TMEM132D: variants seen among roughly 807,000 people sequenced by gnomAD.
The protein encoded by TMEM132D is mature OL transmembrane protein.
In TMEM132D, 21 loss-of-function variants were observed where a neutral mutation model predicts 62.3. The ratio of observed to expected loss-of-function variants is 0.34; its 90% CI spans 0.24 to 0.49. The LOEUF (loss-of-function observed/expected upper bound fraction) is 0.49. TMEM132D is among the 20% of genes least tolerant of loss of function. The pLI is 0.99. For synonymous variants in TMEM132D, 621 were observed against 575.6 expected (o/e 1.08, Z -1.13); for missense variants, 1,346 against 1,402.8 (o/e 0.96, Z 0.65).
chr12:129,726,549 G>T (rs61945202), intron 1 of TMEM132D, among the ~76,000 whole-genome samples: 21,984 of 152,060 alleles, frequency 0.14, 1,756 homozygotes, highest in South Asian at 0.25. Context: ...AAGGGTCTGT[G>T]GACCATGGTG....
At chr12:129,760,323 CTTT>C (rs71082753) in intron 1 of TMEM132D, among the ~76,000 whole-genome samples, 1 of 115,490 alleles carries the variant, frequency 8.7e-6, no homozygotes, top group African/African-American at 3.6e-5. Context: ...AAGCCACTTT[CTTT>C]TTTTTTTTTT....
At chr12:129,750,237 C>G (rs1323275025) in intron 1 of TMEM132D, among the ~76,000 whole-genome samples, 3 of 152,228 alleles carry the variant, frequency 2.0e-5, no homozygotes, top group South Asian at 2.1e-4. Flanking sequence ...AGGCACCCGC[C>G]ACCACGCCTG....
At chr12:129,127,292 G>A (rs77600827) in intron 5 of TMEM132D, among the ~76,000 whole-genome samples, 2,758 of 152,148 alleles carry the variant, frequency 0.018, 35 homozygotes, top group Non-Finnish European at 0.028. Context: ...GGAACATTGC[G>A]CAAACAAACA....
chr12:129,809,297 G>A (rs4759982), intron 1 of TMEM132D, among the ~76,000 whole-genome samples: 127,008 of 148,566 alleles, frequency 0.85, 54,911 homozygotes, highest in Non-Finnish European at 0.94. Flanking sequence ...GACAGAGCGA[G>A]ACTCCATATC....
At chr12:129,280,856 G>C (rs1881124174) in intron 4 of TMEM132D, among the ~76,000 whole-genome samples, 1 of 149,038 alleles carries the variant, frequency 6.7e-6, no homozygotes, top group Non-Finnish European at 1.5e-5. Flanking sequence ...ATATCCTATT[G>C]GTTTTGTTTC....
In TMEM132D at chr12:129,760,323, CT is replaced by C. The variant is rs71082753; in HGVS notation, c.80-59626del. On this transcript the variant is annotated intron_variant, in intron 1 of 8. Coordinates refer to ENST00000422113, the MANE Select transcript of TMEM132D (RefSeq NM_133448.3). The stretch of plus-strand genomic sequence containing the variant: ...AGACAGAAATGATGTAAGCCACTTT[CT>C]TTTTTTTTTTTTTTTTTTTTTTTTT... Among the ~76,000 whole-genome samples the C allele has an allele frequency of 9.9e-3, 1,144 of 115,212 alleles. 2 individuals are homozygous for C. The highest frequency in any genetic ancestry group is 0.039 in the African/African-American group (1,064 of 27,432). The allele number at this position is 115,212 out of a possible 152,430, so 75.6% of individuals were successfully genotyped here.
At chr12:129,184,067 G>A (rs1049990068) in intron 5 of TMEM132D, among the ~76,000 whole-genome samples, 3 of 152,166 alleles carry the variant, frequency 2.0e-5, no homozygotes, top group African/African-American at 7.2e-5. Context: ...TAGGCTGGGA[G>A]GACAGTGTGT....
intron 2 of TMEM132D, among the ~76,000 whole-genome samples, chr12:129,583,708 A>G (rs1325372470): frequency 1.3e-5 from 2 of 152,188 alleles, no homozygotes; most frequent in Non-Finnish European, 2.9e-5. Context: ...CCTTAGACAG[A>G]GGAATGAGGC....
chr12:129,367,283 TG>T (rs1870445515), intron 3 of TMEM132D, among the ~76,000 whole-genome samples: 1 of 152,242 alleles, frequency 6.6e-6, no homozygotes, highest in Admixed American at 6.5e-5. Context: ...TCCATCTATC[TG>T]TGTACTTACC....
chr12:129,317,790 T>G (rs1868533837), intron 4 of TMEM132D, among the ~76,000 whole-genome samples: 1 of 152,208 alleles, frequency 6.6e-6, no homozygotes, highest in South Asian at 2.1e-4. Context: ...ATTCTTAGGT[T>G]TAGTCATTTA....
chr12:129,116,951 G>C (rs1875913376), intron 5 of TMEM132D, among the ~76,000 whole-genome samples: 1 of 107,692 alleles, frequency 9.3e-6, no homozygotes, highest in Non-Finnish European at 2.0e-5. Flanking sequence ...AAAAAAATCT[G>C]TACGTGAATG....
intron 3 of TMEM132D, among the ~76,000 whole-genome samples, chr12:129,424,200 T>A (rs964610014): frequency 1.3e-5 from 1 of 77,668 alleles, no homozygotes; most frequent in Non-Finnish European, 3.3e-5. Flanking sequence ...TAAATTTTTT[T>A]GTAAAAAAAA....
intron 1 of TMEM132D, among the ~76,000 whole-genome samples, chr12:129,898,424 G>A (rs1469693267): frequency 6.6e-6 from 1 of 152,212 alleles, no homozygotes; most frequent in Non-Finnish European, 1.5e-5. Context: ...CTTGTGAAAG[G>A]CAGAAGTGCA....
At chr12:129,164,757 GA>G (rs1170885634) in intron 5 of TMEM132D, among the ~76,000 whole-genome samples, 1 of 152,148 alleles carries the variant, frequency 6.6e-6, no homozygotes, top group East Asian at 1.9e-4. Context: ...CAACATGGGG[GA>G]AACTGCCCCC....
At chr12:129,578,408 A>ATGTGTGTGTG (rs143488724) in intron 2 of TMEM132D, among the ~76,000 whole-genome samples, 7,496 of 144,730 alleles carry the variant, frequency 0.052, 466 homozygotes, top group Admixed American at 0.21. Context: ...TAATACAATT[A>ATGTGTGTGTG]TGTGTGTGTG....
In TMEM132D at chr12:129,293,745, C is replaced by T. The variant is rs1881504739; in HGVS notation, c.1299+43889G>A. On this transcript the variant is annotated intron_variant, in intron 4 of 8. Transcript: ENST00000422113. ...TTAGTGCTTCCATGAGAATCTAATG[C>T]TGCCACTGATCTGACAGGAGGTAGA... Among the ~76,000 whole-genome samples the T allele has an allele frequency of 4.6e-5, 7 of 152,150 alleles. No individual in the cohort carries two copies. The South Asian group carries it at 1.2e-3, about 27-fold the overall frequency.
chr12:129,294,898 A>G (rs1881530545), intron 4 of TMEM132D, among the ~76,000 whole-genome samples: 1 of 152,182 alleles, frequency 6.6e-6, no homozygotes, highest in Non-Finnish European at 1.5e-5. Flanking sequence ...TTTGATAAAT[A>G]ATCATTTCCT....
intron 1 of TMEM132D, among the ~76,000 whole-genome samples, chr12:129,741,755 C>T (rs1869616299): frequency 2.0e-5 from 3 of 152,154 alleles, no homozygotes; most frequent in Admixed American, 2.0e-4. Flanking sequence ...ATCTGTGCGA[C>T]TTTAAATGAG....
chr12:129,078,590 T>A lies in TMEM132D; in HGVS notation c.2059A>T (p.Asn687Tyr). The A allele has an allele frequency of 6.2e-7, 1 of 1,614,156 alleles. No homozygotes were observed. Among genetic ancestry groups the A allele is most frequent in the African/African-American group, 1.3e-5 (1 of 75,046 alleles). Residue 687 changes from asparagine (N) to tyrosine (Y), a missense_variant, in exon 8 of 9, where the codon AAC (asparagine) becomes TAC (tyrosine). Asn to Tyr is a moderately radical substitution (Grantham distance 143). Transcript: ENST00000422113. Reference protein sequence around the residue: ...SLSLQLSPGSNRAIFATAVAQ... With the variant: ...SLSLQLSPGSYRAIFATAVAQ... ...ACTGCAGTGGCAAAGATGGCCCTGT[T>A]GCTTCCTGGGCTGAGCTGCAAGGAG...
Sources: allele counts gnomAD v4.1 joint callset (sites outside exome capture counted in the v4.1 genomes callset), GRCh38; gene constraint gnomAD v4.1.1; transcripts MANE v1.5; gene names NCBI Gene and HGNC (gene_info 2026-07-23, HGNC 2026-07-21).